Variants in DNAH7 observed in about 807,000 individuals in gnomAD.
DNAH7 encodes axonemal beta dynein heavy chain 7.
DNAH7 carries 397 observed loss-of-function variants against 444.6 expected under a neutral mutation model. The observed-to-expected ratio is 0.89, with a 90% CI of 0.82 to 0.97. The LOEUF (loss-of-function observed/expected upper bound fraction) is 0.97, where lower values mean the gene tolerates loss of function less well. Among genes scored for constraint, DNAH7 ranks in the 50% least tolerant of loss-of-function variants. The pLI, the probability that DNAH7 is intolerant of heterozygous loss-of-function variation, is 0.00. For missense variants in DNAH7, 4,902 were observed against 4,800.8 expected (o/e 1.02, Z -0.62); for synonymous variants, 1,636 against 1,624.4 (o/e 1.01, Z -0.17).
chr2:195,953,076 C>T (rs375841398), intron 19 of DNAH7, among the ~76,000 whole-genome samples: 3 of 152,106 alleles, frequency 2.0e-5, no homozygotes, highest in Non-Finnish European at 4.4e-5. Flanking sequence ...GGTTTATCTA[C>T]GTTTGGTCTT....
At position 195,809,753 on chromosome 2, in the gene DNAH7, C is replaced by A; in HGVS notation, c.9880G>T (p.Glu3294Ter). 6.3e-7 allele frequency: 1 copy of A among 1,585,090 alleles called. No individual in the cohort carries two copies. Among genetic ancestry groups the A allele is most frequent in the Non-Finnish European group, 8.6e-7 (1 of 1,166,632 alleles). The change falls in exon 52 of 65, where the codon GAG becomes TAG. Residue 3294 changes from glutamate (E) to a stop codon, truncating the protein, a stop_gained. Transcript: ENST00000312428. LOFTEE classifies it high-confidence loss of function. ...ATGAAAACAGTACTGACCGCCCGCT[C>A]ATGCAGCAGTAGATTTATGGTTAGA... Reference protein sequence around the residue: ...FCLTINLLLHERAINKAEWRF... With the variant: ...FCLTINLLLH
chr2:195,908,563 GATA>G (rs1687175094), intron 25 of DNAH7, among the ~76,000 whole-genome samples: 1 of 152,040 alleles, frequency 6.6e-6, no homozygotes, highest in Non-Finnish European at 1.5e-5. Flanking sequence ...TTTCATTTAA[GATA>G]ATGACCTCTA....
At position 196,019,273 on chromosome 2, in the gene DNAH7, A is replaced by G; in HGVS notation, c.766T>C (p.Trp256Arg). 6.7e-7 allele frequency: 1 copy of G among 1,498,336 alleles called. No individual in the cohort carries two copies. Among genetic ancestry groups the G allele is most frequent in the Non-Finnish European group, 9.0e-7 (1 of 1,108,988 alleles). The allele number at this position is 1,498,336 out of a possible 1,614,324, so 92.8% of individuals were successfully genotyped here. A position where few individuals can be genotyped will look rare whatever the true frequency, so the allele number is the denominator to read the frequency against. ...CTTGCAGCTAAAAAAGATTTCCTCC[A>G]AGGTTTTGGCAGAATTTCCATTCTG... is the stretch of plus-strand genomic sequence containing the variant. Reference protein sequence around the residue: ...RAEMEILPKPWRKSFLAASSY... With the variant: ...RAEMEILPKPRRKSFLAASSY... Residue 256 changes from tryptophan (W) to arginine (R), a missense_variant, in exon 9 of 65, where the codon TGG (tryptophan) becomes CGG (arginine). Physicochemically the swap from Trp to Arg is moderately radical, Grantham distance 101. Transcript: ENST00000312428.
rs962050939 is a variant in DNAH7 at position 195,897,843 on chromosome 2, C to A, written c.4549-78G>T. The A allele has an allele frequency of 1.1e-5, 8 of 733,392 alleles. No homozygotes were observed. The African/African-American group carries it at 1.3e-4, about 12-fold the overall frequency. The allele number at this position is 733,392 out of a possible 1,614,324, so 45.4% of individuals were successfully genotyped here. On this transcript the variant is annotated intron_variant, in intron 28 of 64. Coordinates refer to ENST00000312428, the MANE Select transcript of DNAH7 (RefSeq NM_018897.3). Reference sequence around the variant, plus strand: ...TACCCGCTTCGTGTTCGCATACACACAAACCTACAGACCCTGTAACTCAGT... The same window carrying A: ...TACCCGCTTCGTGTTCGCATACACAAAAACCTACAGACCCTGTAACTCAGT...
intron 48 of DNAH7, among the ~76,000 whole-genome samples, chr2:195,832,269 C>T (rs1475433496): frequency 1.3e-5 from 2 of 152,062 alleles, no homozygotes; most frequent in African/African-American, 2.4e-5. Flanking sequence ...ATTCTAACAT[C>T]AAGATTTGTG....
chr2:195,934,504 A>C, intron 21 of DNAH7, 87 bp downstream of exon 21: 1 of 1,379,692 alleles, frequency 7.2e-7, no homozygotes, highest in Non-Finnish European at 1.0e-6. Context: ...TTTCTGTTTA[A>C]ATAACAGTAC....
At chr2:195,923,842 T>C (rs761433720) in intron 22 of DNAH7, 35 bp from the exon 23 acceptor site, 16 of 1,584,188 alleles carry the variant, frequency 1.0e-5, no homozygotes, top group Admixed American at 5.0e-5. Context: ...GATTTCCCAA[T>C]GTGATCAAAA....
chr2:195,835,611 C>T (rs1258257998), intron 47 of DNAH7, among the ~76,000 whole-genome samples: 8 of 152,072 alleles, frequency 5.3e-5, no homozygotes, highest in Admixed American at 2.0e-4. Context: ...TTTCGGAGGC[C>T]GAGGTAGGCG....
At position 195,899,059 on chromosome 2, in the gene DNAH7, G is replaced by A. The variant is rs17361373; in HGVS notation, c.4548+1223C>T. On this transcript the variant is annotated intron_variant, in intron 28 of 64. Coordinates refer to ENST00000312428, the MANE Select transcript of DNAH7 (RefSeq NM_018897.3). ...ACTTAATTAGCTTCAGCCTTACAAA[G>A]TGTGTGATGCCTAGCAGTCAGAGTC... is the stretch of plus-strand genomic sequence containing the variant. 8.0e-3 allele frequency among the ~76,000 whole-genome samples: 1,212 copies of A among 152,290 alleles called. 10 individuals are homozygous for A. The highest frequency in any genetic ancestry group is 0.02 in the Middle Eastern group (6 of 294).
intron 47 of DNAH7, among the ~76,000 whole-genome samples, chr2:195,836,631 T>C (rs1247031016): frequency 6.6e-6 from 1 of 151,906 alleles, no homozygotes; most frequent in Non-Finnish European, 1.5e-5. Context: ...AAAAGAGTAA[T>C]GTAACATCTT....
chr2:196,009,234 C>T (rs922567544), intron 10 of DNAH7, among the ~76,000 whole-genome samples: 3 of 152,174 alleles, frequency 2.0e-5, no homozygotes, highest in East Asian at 1.9e-4. Context: ...CCAAACTATA[C>T]GGCATGGTGA....
intron 2 of DNAH7, among the ~76,000 whole-genome samples, chr2:196,056,295 A>T (rs1697799659): frequency 1.3e-5 from 2 of 151,950 alleles, no homozygotes; most frequent in Admixed American, 1.3e-4. Context: ...AAATACAAAA[A>T]TTAGGCAGGC....
chr2:196,003,222 G>A (rs1268148903), intron 10 of DNAH7, among the ~76,000 whole-genome samples: 2 of 149,726 alleles, frequency 1.3e-5, no homozygotes, highest in African/African-American at 4.9e-5. Context: ...GATTCAAAGT[G>A]GAAGAATTAT....
intron 48 of DNAH7, 119 bp downstream of exon 48, chr2:195,834,087 G>T: frequency 9.6e-7 from 1 of 1,041,540 alleles, no homozygotes; most frequent in Non-Finnish European, 1.4e-6. Flanking sequence ...TGTGCCTGTA[G>T]TCTCAGCTAC....
chr2:195,858,096 A>T (rs1192277238), intron 43 of DNAH7, among the ~76,000 whole-genome samples: 1 of 152,204 alleles, frequency 6.6e-6, no homozygotes, highest in South Asian at 2.1e-4. Flanking sequence ...ACTTTATCAC[A>T]TGCTCTATAA....
At chr2:195,926,833 T>C (rs1295245372) in intron 21 of DNAH7, among the ~76,000 whole-genome samples, 1 of 151,988 alleles carries the variant, frequency 6.6e-6, no homozygotes, top group African/African-American at 2.4e-5. Context: ...AAATATTCAT[T>C]TGAATAATTT....
At chr2:195,808,086 T>A (rs1367790188) in intron 53 of DNAH7, among the ~76,000 whole-genome samples, 1 of 151,638 alleles carries the variant, frequency 6.6e-6, no homozygotes, top group Non-Finnish European at 1.5e-5. Flanking sequence ...GTCAAGAGAG[T>A]AGAAACAAAG....
At chr2:196,053,439 G>A (rs1370183269) in intron 2 of DNAH7, among the ~76,000 whole-genome samples, 1 of 152,220 alleles carries the variant, frequency 6.6e-6, no homozygotes, top group Admixed American at 6.5e-5. Context: ...TCTTAGTTTA[G>A]ATGATAAATT....
chr2:196,045,428 T>C (rs1464912331), intron 5 of DNAH7, among the ~76,000 whole-genome samples: 1 of 151,168 alleles, frequency 6.6e-6, no homozygotes, highest in Non-Finnish European at 1.5e-5. Flanking sequence ...GAGACAAACT[T>C]CAGCAAAAAA....
Sources: gnomAD v4.1 joint callset for allele counts (sites outside exome capture counted in the v4.1 genomes callset) on GRCh38, gnomAD v4.1.1 for gene constraint, MANE v1.5 for transcripts, NCBI Gene and HGNC (gene_info 2026-07-23, HGNC 2026-07-21) for gene names.